PRDM5: variants seen among roughly 807,000 people sequenced by gnomAD.
PRDM5 encodes PR domain zinc finger protein 5.
Under a neutral mutation model 81.2 loss-of-function variants are expected in PRDM5, and 56 were observed. The observed-to-expected ratio is 0.69, with a 90% confidence interval of 0.56 to 0.86. PRDM5 has a LOEUF of 0.86. Among genes scored for constraint, PRDM5 ranks in the 40% least tolerant of loss-of-function variants. The pLI is 0.00. For synonymous variants in PRDM5, 267 were observed against 256.4 expected (o/e 1.04, Z -0.39); for missense variants, 697 against 770.1 (o/e 0.91, Z 1.12).
chr4:120,796,557 G>C lies in PRDM5; in HGVS notation c.1188+1710C>G, dbSNP rs184792230. Among the ~76,000 whole-genome samples, 269 of 152,282 alleles carry C rather than the reference G, an allele frequency of 1.8e-3. 3 individuals are homozygous for C. The highest frequency in any genetic ancestry group is 4.0e-3 in the Admixed American group (61 of 15,292). ...ATAAGAGGGTTCCAGAGACTAAACA[G>C]GAACTAGCCAGATAATTTTTTACAG... is the stretch of plus-strand genomic sequence containing the variant. On this transcript the variant is annotated intron_variant, in intron 10 of 15. Coordinates refer to ENST00000264808, the MANE Select transcript of PRDM5 (RefSeq NM_018699.4).
chr4:120,866,551 A>G (rs370848542), intron 2 of PRDM5, among the ~76,000 whole-genome samples: 1 of 152,194 alleles, frequency 6.6e-6, no homozygotes, highest in East Asian at 1.9e-4. Flanking sequence ...ACTCCTCAAA[A>G]CAACTCTATG....
At chr4:120,777,406 C>A in intron 12 of PRDM5, 125 bp from the exon 13 acceptor site, 1 of 1,496,050 alleles carries the variant, frequency 6.7e-7, no homozygotes, top group South Asian at 1.3e-5. Flanking sequence ...GATTTAATTT[C>A]ACAATGAGAT....
At chr4:120,863,177 T>A (rs983077481) in intron 2 of PRDM5, among the ~76,000 whole-genome samples, 2,778 of 39,582 alleles carry the variant, frequency 0.07, 83 homozygotes, top group Non-Finnish European at 0.094. Context: ...AAAAAAAAAA[T>A]ATATATATAT....
At chr4:120,907,911 A>T (rs3804178) in intron 1 of PRDM5, among the ~76,000 whole-genome samples, 93,566 of 152,154 alleles carry the variant, frequency 0.61, 29,638 homozygotes, top group Non-Finnish European at 0.68. Flanking sequence ...CTTGAGAGAC[A>T]AGCCCACCAG....
chr4:120,726,885 C>T (rs1260860114), intron 14 of PRDM5, among the ~76,000 whole-genome samples: 1 of 152,138 alleles, frequency 6.6e-6, no homozygotes, highest in African/African-American at 2.4e-5. Context: ...GCAATGGCTC[C>T]TAATGGGACA....
intron 14 of PRDM5, among the ~76,000 whole-genome samples, chr4:120,748,080 T>C (rs937457708): frequency 1.3e-5 from 2 of 152,234 alleles, no homozygotes; most frequent in African/African-American, 4.8e-5. Context: ...ATGTGTCTAA[T>C]GCAATAAAAA....
chr4:120,791,734 A>T (rs1750602349), intron 10 of PRDM5, among the ~76,000 whole-genome samples: 1 of 152,170 alleles, frequency 6.6e-6, no homozygotes, highest in Non-Finnish European at 1.5e-5. Context: ...TTTGTGTCCG[A>T]CCAAAATTCA....
At chr4:120,770,177 C>T (rs1250927899) in intron 13 of PRDM5, among the ~76,000 whole-genome samples, 1 of 152,044 alleles carries the variant, frequency 6.6e-6, no homozygotes, top group African/African-American at 2.4e-5. Context: ...GGATTACAGG[C>T]ACCCATCACC....
intron 8 of PRDM5, among the ~76,000 whole-genome samples, chr4:120,802,442 T>A (rs1473771699): frequency 6.6e-6 from 1 of 152,210 alleles, no homozygotes; most frequent in South Asian, 2.1e-4. Context: ...GTAGCCTAAC[T>A]GGGAGGCATC....
intron 2 of PRDM5, among the ~76,000 whole-genome samples, chr4:120,889,497 T>C (rs555111497): frequency 2.3e-4 from 35 of 152,264 alleles, no homozygotes; most frequent in African/African-American, 8.4e-4. Context: ...AATTATAAAA[T>C]CAATTTCCAT....
intron 14 of PRDM5, among the ~76,000 whole-genome samples, chr4:120,721,705 G>A (rs1738634004): frequency 6.6e-6 from 1 of 152,314 alleles, no homozygotes; most frequent in East Asian, 1.9e-4. Context: ...GTTTAAAAAC[G>A]TGATCAAGGT....
intron 3 of PRDM5, among the ~76,000 whole-genome samples, chr4:120,852,803 CTT>C (rs11383705): frequency 2.9e-5 from 4 of 138,784 alleles, no homozygotes; most frequent in Non-Finnish European, 4.6e-5. Context: ...TATATCCTTT[CTT>C]TTTTTTTTTT....
At chr4:120,732,808 T>C (rs1358358091) in intron 14 of PRDM5, among the ~76,000 whole-genome samples, 1 of 152,228 alleles carries the variant, frequency 6.6e-6, no homozygotes, top group Non-Finnish European at 1.5e-5. Context: ...TAACTAGCTA[T>C]ACCCAGTCTT....
chr4:120,790,788 A>ATTTTTTTTT (rs1252489244), intron 10 of PRDM5, among the ~76,000 whole-genome samples: 1 of 152,164 alleles, frequency 6.6e-6, no homozygotes, highest in Non-Finnish European at 1.5e-5. Context: ...ATAAAAAAAC[A>ATTTTTTTTT]GTTGGATGGA....
At chr4:120,779,109 G>A (rs1245338070) in intron 12 of PRDM5, among the ~76,000 whole-genome samples, 1 of 151,852 alleles carries the variant, frequency 6.6e-6, no homozygotes, top group Non-Finnish European at 1.5e-5. Context: ...ACTGCCATTG[G>A]TTCCAAACTG....
At chr4:120,701,471 C>G (rs1735355767) in intron 15 of PRDM5, among the ~76,000 whole-genome samples, 1 of 152,094 alleles carries the variant, frequency 6.6e-6, no homozygotes, top group South Asian at 2.1e-4. Flanking sequence ...AAATGTGGTG[C>G]ATATACACCA....
chr4:120,904,418 C>G (rs1053956442), intron 2 of PRDM5, among the ~76,000 whole-genome samples: 1 of 151,918 alleles, frequency 6.6e-6, no homozygotes, highest in African/African-American at 2.4e-5. Context: ...GGAACAGAGA[C>G]TTTTCATCAA....
At chr4:120,696,924 C>T (rs989034636) in intron 15 of PRDM5, among the ~76,000 whole-genome samples, 1 of 152,094 alleles carries the variant, frequency 6.6e-6, no homozygotes, top group Non-Finnish European at 1.5e-5. Flanking sequence ...TTTGGAATAG[C>T]TTGTAAGCAT....
chr4:120,792,663 C>G (rs1427843103), intron 10 of PRDM5, among the ~76,000 whole-genome samples: 2 of 152,038 alleles, frequency 1.3e-5, no homozygotes, highest in Non-Finnish European at 2.9e-5. Context: ...ACCTAAGAAG[C>G]CATTGACAGA....
Sources: gnomAD v4.1 joint callset for allele counts (sites outside exome capture counted in the v4.1 genomes callset) on GRCh38, gnomAD v4.1.1 for gene constraint, MANE v1.5 for transcripts, NCBI Gene and HGNC (gene_info 2026-07-23, HGNC 2026-07-21) for gene names.